CHD7: variants seen among roughly 807,000 people sequenced by gnomAD.
CHD7 encodes chromodomain helicase DNA binding protein 7, also known as ATP-dependent chromatin remodeler CHD7.
A neutral mutation model predicts 307.3 loss-of-function variants in CHD7; 24 were observed. The ratio of observed to expected loss-of-function variants is 0.08; its 90% CI spans 0.06 to 0.11. The LOEUF is 0.11. Among genes scored for constraint, CHD7 ranks in the 10% least tolerant of loss-of-function variants. CHD7 has a pLI of 1.00. For missense variants in CHD7, 3,106 were observed against 3,727.1 expected, an observed-to-expected ratio of 0.83 and a Z score of 4.34; for synonymous variants, 1,363 against 1,349.9, an observed-to-expected ratio of 1.01 and a Z score of -0.21.
At position 60,853,126 on chromosome 8, in the gene CHD7, A is replaced by G. The variant is rs753361097; in HGVS notation, c.6401A>G (p.Asn2134Ser). The change falls in exon 31 of 38, where the codon AAC (asparagine) becomes AGC (serine). Residue 2134 changes from asparagine (N) to serine (S), a missense_variant. Transcript: ENST00000423902. The stretch of plus-strand genomic sequence containing the variant: ...GATGCACATAAAAACTTTGCTCAAA[A>G]CAGAGGGGCAGGTAATACATCTTCC... Reference protein sequence around the residue: ...FLDAHKNFAQNRGAGNTSSLN... With the variant: ...FLDAHKNFAQSRGAGNTSSLN... 11 of 1,613,924 alleles carry G rather than the reference A, an allele frequency of 6.8e-6. No individual in the cohort carries two copies. The highest frequency in any genetic ancestry group is 2.2e-5 in the East Asian group (1 of 44,874).
intron 1 of CHD7, among the ~76,000 whole-genome samples, chr8:60,729,878 G>A (rs980165503): frequency 4.6e-5 from 7 of 152,168 alleles, no homozygotes; most frequent in Non-Finnish European, 1.0e-4. Flanking sequence ...TACTTAAAGT[G>A]TGATCTTTTT....
intron 4 of CHD7, among the ~76,000 whole-genome samples, chr8:60,797,310 G>A (rs1008972413): frequency 6.6e-6 from 1 of 152,202 alleles, no homozygotes; most frequent in African/African-American, 2.4e-5. Context: ...GTATTTTGGG[G>A]TGTTTTTACA....
chr8:60,746,136 C>T (rs375572722), intron 2 of CHD7, among the ~76,000 whole-genome samples: 57 of 152,180 alleles, frequency 3.7e-4, no homozygotes, highest in African/African-American at 1.3e-3. Context: ...CAGGTTCAAG[C>T]GATTCTCCTG....
chr8:60,758,346 A>T (rs984181292), intron 2 of CHD7, among the ~76,000 whole-genome samples: 2 of 151,656 alleles, frequency 1.3e-5, no homozygotes, highest in South Asian at 4.2e-4. Flanking sequence ...CTGGTCTCAA[A>T]CTCCTGAGCT....
chr8:60,819,780 T>A (rs1803940040), intron 8 of CHD7, among the ~76,000 whole-genome samples: 2 of 152,334 alleles, frequency 1.3e-5, no homozygotes, highest in South Asian at 4.1e-4. Flanking sequence ...CAGTAAAAGG[T>A]TTCACACGGT....
intron 4 of CHD7, among the ~76,000 whole-genome samples, chr8:60,796,673 G>A (rs771462976): frequency 6.6e-6 from 1 of 150,898 alleles, no homozygotes; most frequent in Non-Finnish European, 1.5e-5. Context: ...ATCAATTCAA[G>A]TGAACATTGA....
chr8:60,850,977 T>G, intron 26 of CHD7, 55 bp from the exon 27 acceptor site: 1 of 1,270,284 alleles, frequency 7.9e-7, no homozygotes, highest in Non-Finnish European at 1.1e-6. Context: ...CCACCCCCCT[T>G]CCTTCTTTTG....
chr8:60,802,120 A>T lies in CHD7; in HGVS notation c.2442+527A>T, dbSNP rs568383925. ...AGTGTAATTTTAAAAAATAGTTTTG[A>T]CTTAATACTTCAGAGTTATTCAAAG... On this transcript the variant is annotated intron_variant, in intron 6 of 37. Transcript: ENST00000423902. Among the ~76,000 whole-genome samples, 11 of 152,336 alleles carry T rather than the reference A, an allele frequency of 7.2e-5. No individual in the cohort carries two copies. The East Asian group carries it at 2.1e-3, about 29-fold the overall frequency.
intron 3 of CHD7, among the ~76,000 whole-genome samples, chr8:60,793,371 A>C (rs911482279): frequency 6.6e-6 from 1 of 152,020 alleles, no homozygotes; most frequent in Non-Finnish European, 1.5e-5. Context: ...GCCATTTGCT[A>C]TAATCTTGAA....
chr8:60,726,264 A>G (rs1808152574), intron 1 of CHD7, among the ~76,000 whole-genome samples: 1 of 152,216 alleles, frequency 6.6e-6, no homozygotes. Context: ...GCATATTTCC[A>G]ATTGTGAAGC....
chr8:60,682,288 G>GT (rs1397341927), intron 1 of CHD7, among the ~76,000 whole-genome samples: 6 of 152,098 alleles, frequency 3.9e-5, no homozygotes, highest in Non-Finnish European at 7.4e-5. Flanking sequence ...CTTTTATTGA[G>GT]TTAAAATGAA....
intron 31 of CHD7, 39 bp downstream of exon 31, chr8:60,853,539 C>T: frequency 1.4e-6 from 2 of 1,458,470 alleles, no homozygotes; most frequent in Non-Finnish European, 1.8e-6. Flanking sequence ...GACCCTGCAG[C>T]AGCTGGTTGT....
chr8:60,833,683 C>CT (rs1457443355), intron 15 of CHD7, among the ~76,000 whole-genome samples: 1 of 152,204 alleles, frequency 6.6e-6, no homozygotes, highest in African/African-American at 2.4e-5. Context: ...GATATACACA[C>CT]TTTCCAGTGT....
chr8:60,862,408 C>T, intron 36 of CHD7, 72 bp downstream of exon 36: 4 of 1,523,188 alleles, frequency 2.6e-6, no homozygotes, highest in Non-Finnish European at 3.5e-6. Flanking sequence ...ATCCTGCCTT[C>T]TTCTATAGGG....
At chr8:60,846,825 T>C (rs966350111) in intron 23 of CHD7, among the ~76,000 whole-genome samples, 1 of 152,218 alleles carries the variant, frequency 6.6e-6, no homozygotes, top group African/African-American at 2.4e-5. Flanking sequence ...TCAAGGACCC[T>C]CAGCCAGTTA....
At chr8:60,718,183 A>G (rs1394579445) in intron 1 of CHD7, among the ~76,000 whole-genome samples, 1 of 152,164 alleles carries the variant, frequency 6.6e-6, no homozygotes, top group African/African-American at 2.4e-5. Flanking sequence ...AGTTTTTAAC[A>G]AGAAAGTTTG....
intron 1 of CHD7, among the ~76,000 whole-genome samples, chr8:60,683,085 T>TA (rs1251014830): frequency 2.0e-5 from 3 of 152,226 alleles, no homozygotes; most frequent in South Asian, 2.1e-4. Flanking sequence ...TTGTGTATCT[T>TA]AAAAAAATCT....
chr8:60,715,168 G>C (rs915529604), intron 1 of CHD7, among the ~76,000 whole-genome samples: 4 of 152,144 alleles, frequency 2.6e-5, no homozygotes, highest in African/African-American at 7.2e-5. Context: ...TCCGGAGACC[G>C]ATGAGAGTGA....
intron 2 of CHD7, among the ~76,000 whole-genome samples, chr8:60,775,007 C>G (rs937426832): frequency 6.6e-6 from 1 of 151,990 alleles, no homozygotes; most frequent in African/African-American, 2.4e-5. Flanking sequence ...TCCATTGTTT[C>G]AGATGCTACT....
Sources: allele counts gnomAD v4.1 joint callset (sites outside exome capture counted in the v4.1 genomes callset), GRCh38; gene constraint gnomAD v4.1.1; transcripts MANE v1.5; gene names NCBI Gene and HGNC (gene_info 2026-07-23, HGNC 2026-07-21).